The following RASGRF2 variants were observed in gnomAD, a reference collection of about 807,000 sequenced individuals.
The protein encoded by RASGRF2 is Ras protein specific guanine nucleotide releasing factor 2.
A neutral mutation model predicts 151.0 loss-of-function variants in RASGRF2; 76 were observed. That is an observed-to-expected ratio of 0.50 (90% CI 0.42 to 0.61). RASGRF2 has a LOEUF of 0.61. Ranked by LOEUF, RASGRF2 falls within the 20% of genes least tolerant of loss-of-function variation. RASGRF2 has a pLI of 0.00. For synonymous variants in RASGRF2, 504 were observed against 566.5 expected, an observed-to-expected ratio of 0.89 and a Z score of 1.57; for missense variants, 1,148 against 1,564.6, an observed-to-expected ratio of 0.73 and a Z score of 4.49.
rs117677045 is a variant in RASGRF2 at position 81,129,834 on chromosome 5, T to C, written c.2686+2671T>C. Among the ~76,000 whole-genome samples the C allele has an allele frequency of 1.5e-3, 228 of 152,316 alleles. 8 individuals carry two copies. In the East Asian group the frequency reaches 0.04, roughly 27 times the overall value. On this transcript the variant is annotated intron_variant, in intron 17 of 26. Transcript: ENST00000265080. ...TGAAGGACAAGAACATCTCACAGAT[T>C]TCCTAATTTAAATATGGTTTGTGAG...
intron 17 of RASGRF2, among the ~76,000 whole-genome samples, chr5:81,130,413 C>T (rs552044370): frequency 6.6e-5 from 10 of 152,152 alleles, no homozygotes; most frequent in South Asian, 2.1e-4. Context: ...TGGCTAGTGG[C>T]GGTAAGAAAG....
chr5:81,189,728 T>TTTC (rs1554041047), intron 18 of RASGRF2, among the ~76,000 whole-genome samples: 3 of 150,160 alleles, frequency 2.0e-5, no homozygotes, highest in Non-Finnish European at 4.4e-5. Context: ...TTTTTTTTTT[T>TTTC]CAGAGACAGA....
intron 17 of RASGRF2, among the ~76,000 whole-genome samples, chr5:81,151,880 G>A (rs955167309): frequency 1.3e-5 from 2 of 152,060 alleles, no homozygotes; most frequent in Admixed American, 1.3e-4. Flanking sequence ...CTTTTTTTTA[G>A]TCTTGATTAC....
At chr5:81,022,206 TG>T (rs1749853011) in intron 1 of RASGRF2, among the ~76,000 whole-genome samples, 1 of 152,178 alleles carries the variant, frequency 6.6e-6, no homozygotes, top group African/African-American at 2.4e-5. Flanking sequence ...TGACTAACTA[TG>T]ATTCTGCCCA....
chr5:80,980,058 G>C (rs1748248664), intron 1 of RASGRF2, among the ~76,000 whole-genome samples: 1 of 152,114 alleles, frequency 6.6e-6, no homozygotes, highest in Non-Finnish European at 1.5e-5. Flanking sequence ...ATTTGGCTTA[G>C]AGAATGGCTT....
At chr5:81,073,158 T>A in intron 4 of RASGRF2, 41 bp from the exon 5 acceptor site, 9 of 1,580,428 alleles carry the variant, frequency 5.7e-6, no homozygotes, top group Non-Finnish European at 7.8e-6. Flanking sequence ...TAAATCACCA[T>A]TGTAACTAGT....
At chr5:81,186,424 A>G (rs1411997035) in intron 18 of RASGRF2, among the ~76,000 whole-genome samples, 1 of 152,148 alleles carries the variant, frequency 6.6e-6, no homozygotes, top group Non-Finnish European at 1.5e-5. Flanking sequence ...TCAGGACAAA[A>G]TCCTTTATCT....
chr5:80,988,736 T>C lies in RASGRF2; in HGVS notation c.288+27710T>C, dbSNP rs140019028. ...GTAAGAAGGCATTTGTAAATATGGC[T>C]TAACAAACATTCCTTAAAAATGTTG... is the stretch of plus-strand genomic sequence containing the variant. On this transcript the variant is annotated intron_variant, in intron 1 of 26. Transcript: ENST00000265080. 7.2e-5 allele frequency among the ~76,000 whole-genome samples: 11 copies of C among 152,330 alleles called. 1 individual carries two copies. The East Asian group carries it at 2.1e-3, about 29-fold the overall frequency.
intron 15 of RASGRF2, among the ~76,000 whole-genome samples, chr5:81,119,562 G>T (rs1753248622): frequency 1.3e-5 from 2 of 152,198 alleles, no homozygotes; most frequent in Admixed American, 6.5e-5. Context: ...CAAGATAAAT[G>T]AGAAAGAGCT....
Position 81,113,610 on chromosome 5 carries a change from T to A in RASGRF2, c.2160T>A (p.Arg720=), listed in dbSNP as rs146835790. The part of the protein sequence containing the change: ...GEHLVDGKSP[R]LCRKFSSPPP... The stretch of plus-strand genomic sequence containing the variant: ...ATTTGGTGGATGGCAAATCCCCACG[T>A]CTGTGTCGCAAATTCTCTTCCCCGC... The change falls in exon 15 of 27, where the codon CGT becomes CGA. Residue 720 remains arginine (R), a synonymous_variant. Transcript: ENST00000265080. The A allele has an allele frequency of 1.3e-4, 211 of 1,609,238 alleles. 3 individuals carry two copies. In the African/African-American group the frequency reaches 2.3e-3, roughly 17 times the overall value.
At position 80,999,892 on chromosome 5, in the gene RASGRF2, C is replaced by T. The variant is rs185409064; in HGVS notation, c.288+38866C>T. ...ATAACAAACTAACCCACCTCCCCCACGGCATTTTAGCAGTTTAAAACATCA... is the reference window on the plus strand; with the variant it reads ...ATAACAAACTAACCCACCTCCCCCATGGCATTTTAGCAGTTTAAAACATCA... On this transcript the variant is annotated intron_variant, in intron 1 of 26. Coordinates refer to ENST00000265080, the MANE Select transcript of RASGRF2 (RefSeq NM_006909.3). Among the ~76,000 whole-genome samples, 340 of 152,312 alleles carry T rather than the reference C, an allele frequency of 2.2e-3. 2 individuals carry two copies. The highest frequency in any genetic ancestry group is 7.8e-3 in the African/African-American group (324 of 41,548).
At chr5:81,060,813 T>C (rs532707868) in intron 2 of RASGRF2, among the ~76,000 whole-genome samples, 1 of 152,220 alleles carries the variant, frequency 6.6e-6, no homozygotes, top group East Asian at 1.9e-4. Flanking sequence ...TTGGAAAGTA[T>C]GGAAAAGTAC....
intron 1 of RASGRF2, among the ~76,000 whole-genome samples, chr5:81,002,881 A>G (rs1014408765): frequency 6.6e-6 from 1 of 152,166 alleles, no homozygotes; most frequent in Non-Finnish European, 1.5e-5. Context: ...CACTTTGTTC[A>G]TCGAGCTGCT....
At chr5:81,096,301 C>T (rs1752547085) in intron 12 of RASGRF2, 1 of 152,150 alleles carries the variant, frequency 6.6e-6, no homozygotes, top group Non-Finnish European at 1.5e-5. Flanking sequence ...CAATTAATAG[C>T]ATATTAAGTC....
intron 10 of RASGRF2, among the ~76,000 whole-genome samples, chr5:81,094,051 C>T (rs412974): frequency 0.22 from 33,711 of 151,978 alleles, 3,956 homozygotes; most frequent in Admixed American, 0.29. Flanking sequence ...TCCCATCAGC[C>T]GACTTGCTAA....
chr5:81,102,461 A>G (rs1442905565), intron 12 of RASGRF2, among the ~76,000 whole-genome samples: 5 of 152,164 alleles, frequency 3.3e-5, no homozygotes. Context: ...TTGGGAGGCC[A>G]AGGCGGGTGG....
At chr5:80,972,065 A>G (rs1459790621) in intron 1 of RASGRF2, among the ~76,000 whole-genome samples, 1 of 152,012 alleles carries the variant, frequency 6.6e-6, no homozygotes, top group East Asian at 1.9e-4. Context: ...ATTCCTCTGA[A>G]TGAGTATACA....
At chr5:80,992,250 C>T (rs1453368901) in intron 1 of RASGRF2, among the ~76,000 whole-genome samples, 2 of 45,902 alleles carry the variant, frequency 4.4e-5, no homozygotes, top group African/African-American at 1.3e-4. Context: ...TCAGTAAAGC[C>T]AGTACTGTCC....
At chr5:80,999,285 G>T (rs2112284738) in intron 1 of RASGRF2, among the ~76,000 whole-genome samples, 1 of 152,200 alleles carries the variant, frequency 6.6e-6, no homozygotes, top group Non-Finnish European at 1.5e-5. Context: ...CCCTGTATCA[G>T]GCACTACATC....
Sources: allele counts gnomAD v4.1 joint callset (sites outside exome capture counted in the v4.1 genomes callset), GRCh38; gene constraint gnomAD v4.1.1; transcripts MANE v1.5; gene names NCBI Gene and HGNC (gene_info 2026-07-23, HGNC 2026-07-21).